Variants in CPA4 observed in about 807,000 individuals in gnomAD.
CPA4 encodes the protein carboxypeptidase A4, also known as carboxypeptidase A3.
In CPA4, 49 loss-of-function variants were observed where a neutral mutation model predicts 54.7. That is an observed-to-expected ratio of 0.90 (90% confidence interval 0.71 to 1.14). The LOEUF is 1.14. Ranked by LOEUF, CPA4 falls within the 50% of genes most tolerant of loss-of-function variation. The probability of loss-of-function intolerance (pLI) is 0.00; values close to 1 mark genes in which losing one functional copy is unlikely to be tolerated. For synonymous variants in CPA4, 215 were observed against 206.8 expected, an observed-to-expected ratio of 1.04 and a Z score of -0.34; for missense variants, 487 against 525.1, an observed-to-expected ratio of 0.93 and a Z score of 0.71.
chr7:130,304,344 T>G, intron 4 of CPA4, 134 bp from the exon 5 acceptor site: 1 of 724,920 alleles, frequency 1.4e-6, no homozygotes, highest in Non-Finnish European at 2.5e-6. Context: ...AGCGTTTCCA[T>G]GCCGATAATA....
chr7:130,313,440 G>C (rs891498863), intron 10 of CPA4, among the ~76,000 whole-genome samples: 2 of 152,276 alleles, frequency 1.3e-5, no homozygotes, highest in Admixed American at 1.3e-4. Context: ...CCAATGAGAG[G>C]CAGAGGCCCC....
intron 10 of CPA4, among the ~76,000 whole-genome samples, chr7:130,317,364 T>C (rs1212566501): frequency 6.6e-6 from 1 of 152,252 alleles, no homozygotes; most frequent in Non-Finnish European, 1.5e-5. Flanking sequence ...GTAAGTACAT[T>C]GCACGATGAT....
chr7:130,313,221 C>G (rs1183713561), intron 10 of CPA4, among the ~76,000 whole-genome samples: 1 of 152,106 alleles, frequency 6.6e-6, no homozygotes, highest in Non-Finnish European at 1.5e-5. Context: ...AGGATTCTGT[C>G]AGTTAAATAT....
intron 3 of CPA4, among the ~76,000 whole-genome samples, chr7:130,300,570 G>A (rs1274558751): frequency 2.6e-5 from 4 of 151,812 alleles, no homozygotes; most frequent in Non-Finnish European, 4.4e-5. Context: ...TCCTGACCTC[G>A]TGATCCGCCC....
At chr7:130,318,416 T>C (rs1018360892) in intron 10 of CPA4, among the ~76,000 whole-genome samples, 3 of 152,192 alleles carry the variant, frequency 2.0e-5, no homozygotes, top group African/African-American at 7.2e-5. Flanking sequence ...ACCTTTTCTT[T>C]TCTTTTTGAA....
At chr7:130,320,023 A>G (rs1298959446) in intron 10 of CPA4, among the ~76,000 whole-genome samples, 2 of 152,214 alleles carry the variant, frequency 1.3e-5, no homozygotes, top group Non-Finnish European at 2.9e-5. Flanking sequence ...GAGGGCCCTC[A>G]GCATGTCAAA....
At position 130,308,108 on chromosome 7, in the gene CPA4, C is replaced by T. The variant is rs560435904; in HGVS notation, c.703-199C>T. ...CTCATCAGTACATTTGGAAGAAGTC[C>T]TTCTCTTAGAGCCGGAAGGGGAAAT... On this transcript the variant is annotated intron_variant, in intron 7 of 10. Coordinates refer to ENST00000222482, the MANE Select transcript of CPA4 (RefSeq NM_016352.4). The T allele has an allele frequency of 5.0e-6, 3 of 595,454 alleles. No individual in the cohort carries two copies. In the South Asian group the frequency reaches 6.0e-5, roughly 12 times the overall value. The allele number at this position is 595,454 out of a possible 1,614,324, so 36.9% of individuals were successfully genotyped here.
chr7:130,321,530 G>T (rs538922304), intron 10 of CPA4, among the ~76,000 whole-genome samples: 1 of 152,152 alleles, frequency 6.6e-6, no homozygotes, highest in Admixed American at 6.5e-5. Flanking sequence ...TCAACCTAAG[G>T]CTTGTGTATT....
chr7:130,310,977 C>T lies in CPA4; in HGVS notation c.984C>T (p.Ala328=), dbSNP rs73148705. 1.7e-3 allele frequency: 2,790 copies of T among 1,613,564 alleles called. 4 individuals carry two copies. Among genetic ancestry groups the T allele is most frequent in the Non-Finnish European group, 1.9e-3 (2,244 of 1,179,934 alleles). ...ACTCAGTCAAAAAGGCCCCAGATGC[C>T]GAGGAACTCGTGAGTCACAGCTGCC... ...YGYSVKKAPD[A]EELDKVARLA... Residue 328 remains alanine (A), a synonymous_variant, in exon 9 of 11, where the codon GCC becomes GCT. Transcript: ENST00000222482. This position sits in a 1 kb window ranked among gnomAD's most constrained non-coding sequence, Gnocchi z 4.3.
chr7:130,306,830 T>A lies in CPA4; in HGVS notation c.635T>A (p.Leu212Ter), dbSNP rs1584749373. ...AGGGATCCAGCTATCACCTCCATCT[T>A]GGAGAAAATGGATATTTTCTTGTTG... ...YQRDPAITSI[L>*]EKMDIFLLPV... is the part of the protein sequence containing the mutation. The change falls in exon 7 of 11, where the codon TTG becomes TAG. Residue 212 changes from leucine (L) to a stop codon, truncating the protein, a stop_gained. Transcript: ENST00000222482. LOFTEE classifies it high-confidence loss of function. 10 of 1,611,890 alleles carry A rather than the reference T, an allele frequency of 6.2e-6. No individual in the cohort carries two copies. The East Asian group carries it at 2.2e-4, about 36-fold the overall frequency.
chr7:130,311,019 GCC>G, intron 9 of CPA4, 33 bp downstream of exon 9: 1 of 1,586,508 alleles, frequency 6.3e-7, no homozygotes, highest in Non-Finnish European at 8.6e-7. Flanking sequence ...CCAGCCTGGG[GCC>G]CGCCTGACCC....
At chr7:130,300,707 A>G in intron 3 of CPA4, 109 bp from the exon 4 acceptor site, 1 of 692,094 alleles carries the variant, frequency 1.4e-6, no homozygotes, top group Non-Finnish European at 2.6e-6. Flanking sequence ...GCTGCTTGAT[A>G]TGCTGAAAGG....
At chr7:130,305,784 G>A (rs769888943) in intron 5 of CPA4, 32 bp from the exon 6 acceptor site, 20 of 1,513,262 alleles carry the variant, frequency 1.3e-5, no homozygotes, top group Admixed American at 8.4e-5. Context: ...GCGGGCAGGC[G>A]GTCATTTTCG....
chr7:130,321,486 G>A (rs1203237039), intron 10 of CPA4, among the ~76,000 whole-genome samples: 1 of 152,208 alleles, frequency 6.6e-6, no homozygotes, highest in African/African-American at 2.4e-5. Flanking sequence ...GATCCTTCAT[G>A]AGGCTGCAGT....
intron 6 of CPA4, 35 bp downstream of exon 6, chr7:130,305,955 G>A: frequency 6.5e-7 from 1 of 1,540,046 alleles, no homozygotes; most frequent in Non-Finnish European, 9.0e-7. Context: ...GAATGCTGAT[G>A]GTGCCGGGGT....
chr7:130,322,572 AC>A lies in CPA4; in HGVS notation c.1164del (p.Tyr389MetfsTer21). On this transcript the variant is annotated frameshift_variant, in exon 11 of 11. Transcript: ENST00000222482. LOFTEE classifies it high-confidence loss of function. ...CACATTTGAGTTGAGAGATACCGGG[AC>A]CTATGGCTTCCTCCTGCCAGCTAAC... ...AFTFELRDTG[T>X]YGFLLPANQI... is the part of the protein sequence containing the mutation. 6.2e-7 allele frequency: 1 copy of A among 1,614,140 alleles called. No individual in the cohort carries two copies. Among genetic ancestry groups the A allele is most frequent in the Non-Finnish European group, 8.5e-7 (1 of 1,180,004 alleles).
At chr7:130,303,258 CT>C (rs11347940) in intron 4 of CPA4, among the ~76,000 whole-genome samples, 52,291 of 151,936 alleles carry the variant, frequency 0.34, 9,390 homozygotes, top group Non-Finnish European at 0.41. Context: ...TTAAATCGAA[CT>C]TTTTTCCTGA....
intron 5 of CPA4, 165 bp downstream of exon 5, chr7:130,304,744 T>A: frequency 1.6e-6 from 1 of 617,910 alleles, no homozygotes; most frequent in Non-Finnish European, 2.9e-6. Context: ...AGCCCCTTGC[T>A]TTTGTCTAAT....
chr7:130,316,980 T>C lies in CPA4; in HGVS notation c.1078+4858T>C, dbSNP rs539070550. ...GGGGGGTAGCATATATGAAGAGAGA[T>C]AGAAGGTTGAAAGAGTATTGAATAT... On this transcript the variant is annotated intron_variant, in intron 10 of 10. Transcript: ENST00000222482. Among the ~76,000 whole-genome samples, 20 of 149,256 alleles carry C rather than the reference T, an allele frequency of 1.3e-4. No individual in the cohort carries two copies. The South Asian group carries it at 3.4e-3, about 25-fold the overall frequency.
Sources: allele counts gnomAD v4.1 joint callset (sites outside exome capture counted in the v4.1 genomes callset), GRCh38; gene constraint gnomAD v4.1.1; non-coding constraint Gnocchi (gnomAD v3.1); transcripts MANE v1.5; gene names NCBI Gene and HGNC (gene_info 2026-07-23, HGNC 2026-07-21).